Variants in SUPT3H observed in about 807,000 individuals in gnomAD.
The protein encoded by SUPT3H is transcription initiation protein SPT3 homolog.
SUPT3H carries 44 observed loss-of-function variants against 44.3 expected under a neutral mutation model. That is an observed-to-expected ratio of 0.99 (90% confidence interval 0.78 to 1.28). The LOEUF (loss-of-function observed/expected upper bound fraction) is 1.28. Ranked by LOEUF, SUPT3H falls within the 50% of genes most tolerant of loss-of-function variation. SUPT3H has a pLI of 0.00. For missense variants in SUPT3H, 380 were observed against 387.1 expected (o/e 0.98, Z 0.15); for synonymous variants, 124 against 125.6 (o/e 0.99, Z 0.09).
At chr6:44,915,332 G>A (rs868745644) in intron 10 of SUPT3H, among the ~76,000 whole-genome samples, 5 of 152,094 alleles carry the variant, frequency 3.3e-5, no homozygotes, top group Admixed American at 1.3e-4. Flanking sequence ...AAATTCTTAG[G>A]AAATTTCTGG....
rs527400288 is a variant in SUPT3H, at chr6:45,152,020, G to A, written c.102-46014C>T. On this transcript the variant is annotated intron_variant, in intron 2 of 10. Transcript: ENST00000371459. ...CTTCTATATCTACATATACTTTCTA[G>A]GTGACCTCATCTAGTCCCAAATCTT... 1.2e-3 allele frequency among the ~76,000 whole-genome samples: 185 copies of A among 152,062 alleles called. 1 individual carries two copies. Among genetic ancestry groups the A allele is most frequent in the Middle Eastern group, 0.01 (3 of 294 alleles).
rs11319902 is a variant in SUPT3H, at chr6:45,150,720, G to GTTTTTTT, written c.102-44721_102-44715dup. Reference sequence around the variant, plus strand: ...CTTCTACTTATAATCTTTATTCTGCGTTTTTTTTTTTTTTTTTTTTAAGAT... The same window carrying GTTTTTTT: ...CTTCTACTTATAATCTTTATTCTGCGTTTTTTTTTTTTTTTTTTTTTTTTTTTAAGAT... On this transcript the variant is annotated intron_variant, in intron 2 of 10. Coordinates refer to ENST00000371459, the MANE Select transcript of SUPT3H (RefSeq NM_003599.4). Among the ~76,000 whole-genome samples, 16 of 99,282 alleles carry GTTTTTTT rather than the reference G, an allele frequency of 1.6e-4. 1 individual carries two copies. Among genetic ancestry groups the GTTTTTTT allele is most frequent in the East Asian group, 5.6e-4 (2 of 3,584 alleles). 65.1% of individuals were successfully genotyped at this position (99,282 alleles called of 152,430 possible). A position where few individuals can be genotyped will look rare whatever the true frequency, so the allele number is the denominator to read the frequency against.
At chr6:45,005,431 T>C (rs1404004431) in intron 5 of SUPT3H, among the ~76,000 whole-genome samples, 1 of 152,120 alleles carries the variant, frequency 6.6e-6, no homozygotes, top group African/African-American at 2.4e-5. Flanking sequence ...TTTTAAAGCA[T>C]CTTTTGCCAC....
intron 2 of SUPT3H, among the ~76,000 whole-genome samples, chr6:45,285,846 A>T (rs896995098): frequency 7.9e-5 from 12 of 152,204 alleles, no homozygotes; most frequent in Admixed American, 3.3e-4. Flanking sequence ...TTCAAACTAT[A>T]CTACAAGGTG....
At position 45,092,772 on chromosome 6, in the gene SUPT3H, T is replaced by A. The variant is rs200328115; in HGVS notation, c.186+13150A>T. Among the ~76,000 whole-genome samples the A allele has an allele frequency of 2.8e-3, 343 of 120,810 alleles. 10 individuals are homozygous for A. In the East Asian group the frequency reaches 0.078, roughly 28 times the overall value. 79.3% of individuals were successfully genotyped at this position (120,810 alleles called of 152,430 possible). A position where few individuals can be genotyped will look rare whatever the true frequency, so the allele number is the denominator to read the frequency against. Reference sequence around the variant, plus strand: ...TCTCAAAAAAAAAAAAAAAAAAAAATTAAGTCAATTTTATTCTAGTGCTTC... The same window carrying A: ...TCTCAAAAAAAAAAAAAAAAAAAAAATAAGTCAATTTTATTCTAGTGCTTC... On this transcript the variant is annotated intron_variant, in intron 3 of 10. Transcript: ENST00000371459.
At chr6:44,867,027 A>C (rs1297435011) in intron 10 of SUPT3H, among the ~76,000 whole-genome samples, 5 of 152,254 alleles carry the variant, frequency 3.3e-5, no homozygotes, top group Non-Finnish European at 5.9e-5. Context: ...AAAAATACTA[A>C]CAACTGAAGA....
intron 10 of SUPT3H, among the ~76,000 whole-genome samples, chr6:44,833,302 G>T (rs2153411795): frequency 6.6e-6 from 1 of 152,232 alleles, no homozygotes; most frequent in South Asian, 2.1e-4. Context: ...CTATAAATTT[G>T]CTTAATATGA....
At chr6:45,042,554 G>A (rs1023530393) in intron 3 of SUPT3H, among the ~76,000 whole-genome samples, 40 of 152,122 alleles carry the variant, frequency 2.6e-4, no homozygotes, top group Non-Finnish European at 1.0e-4. Context: ...AAAATTAGTT[G>A]TTGTTTTTTT....
At chr6:45,249,558 T>C (rs1771997248) in intron 2 of SUPT3H, among the ~76,000 whole-genome samples, 1 of 151,964 alleles carries the variant, frequency 6.6e-6, no homozygotes, top group Non-Finnish European at 1.5e-5. Context: ...GGGGATTAAC[T>C]CAGCAACAAT....
At chr6:45,367,894 A>C (rs141217829) in intron 1 of SUPT3H, among the ~76,000 whole-genome samples, 1 of 152,178 alleles carries the variant, frequency 6.6e-6, no homozygotes, top group Non-Finnish European at 1.5e-5. Flanking sequence ...TGATGAGCTG[A>C]TAGGTCATTA....
At chr6:45,177,380 A>G (rs1812156889) in intron 2 of SUPT3H, among the ~76,000 whole-genome samples, 1 of 152,194 alleles carries the variant, frequency 6.6e-6, no homozygotes, top group Admixed American at 6.5e-5. Context: ...AAAAGAATAA[A>G]AAGAAACGAG....
chr6:44,927,408 A>G (rs1387462812), intron 10 of SUPT3H, among the ~76,000 whole-genome samples: 1 of 152,194 alleles, frequency 6.6e-6, no homozygotes, highest in Non-Finnish European at 1.5e-5. Flanking sequence ...AAGAAACTTT[A>G]AAAGTTGAGA....
At chr6:45,300,979 G>A (rs982841854) in intron 2 of SUPT3H, among the ~76,000 whole-genome samples, 1 of 152,128 alleles carries the variant, frequency 6.6e-6, no homozygotes, top group Admixed American at 6.5e-5. Context: ...TGGCACCAGG[G>A]AGATGTCACA....
At chr6:45,022,987 G>A (rs1785389643) in intron 3 of SUPT3H, among the ~76,000 whole-genome samples, 1 of 152,088 alleles carries the variant, frequency 6.6e-6, no homozygotes, top group African/African-American at 2.4e-5. Context: ...AGGGTCAACT[G>A]TGTTATTATG....
rs193295404 is a variant in SUPT3H, at chr6:45,093,777, T to C, written c.186+12145A>G. Among the ~76,000 whole-genome samples, 3 of 152,192 alleles carry C rather than the reference T, an allele frequency of 2.0e-5. No individual in the cohort carries two copies. In the East Asian group the frequency reaches 5.8e-4, roughly 29 times the overall value. ...ATAATCTCAAAAATAATCCAGAGAA[T>C]AGATTCACATATGAAAGCATAGTTC... On this transcript the variant is annotated intron_variant, in intron 3 of 10. Transcript: ENST00000371459.
At chr6:45,026,222 A>C (rs531809861) in intron 3 of SUPT3H, among the ~76,000 whole-genome samples, 1 of 152,190 alleles carries the variant, frequency 6.6e-6, no homozygotes, top group Admixed American at 6.5e-5. Flanking sequence ...TGCTAGCCAG[A>C]GATAACCTCA....
intron 2 of SUPT3H, among the ~76,000 whole-genome samples, chr6:45,140,643 G>A (rs990668052): frequency 6.6e-6 from 1 of 152,160 alleles, no homozygotes. Context: ...CTCTCACATA[G>A]TGTAAATCAC....
chr6:45,226,043 T>C (rs1766877506), intron 2 of SUPT3H, among the ~76,000 whole-genome samples: 1 of 152,212 alleles, frequency 6.6e-6, no homozygotes, highest in Non-Finnish European at 1.5e-5. Context: ...AATCCTCAGA[T>C]ATGTAAGAAT....
intron 11 of SUPT3H, among the ~76,000 whole-genome samples, chr6:44,816,119 A>G (rs1378417606): frequency 6.6e-6 from 1 of 152,226 alleles, no homozygotes; most frequent in Non-Finnish European, 1.5e-5. Flanking sequence ...ATTTCTAAAT[A>G]AGCCATGAGT....
Sources: gnomAD v4.1 joint callset for allele counts (sites outside exome capture counted in the v4.1 genomes callset) on GRCh38, gnomAD v4.1.1 for gene constraint, MANE v1.5 for transcripts, NCBI Gene and HGNC (gene_info 2026-07-23, HGNC 2026-07-21) for gene names.